Variants in FAM78A observed in about 807,000 individuals in gnomAD.
FAM78A encodes the protein protein FAM78A.
Under a neutral mutation model 22.6 loss-of-function variants are expected in FAM78A, and 12 were observed. That is an observed-to-expected ratio of 0.53 (90% CI 0.34 to 0.86). FAM78A has a LOEUF of 0.86. Among genes scored for constraint, FAM78A ranks in the 40% least tolerant of loss-of-function variants. The pLI is 0.02. For missense variants in FAM78A, 322 were observed against 396.1 expected, an observed-to-expected ratio of 0.81 and a Z score of 1.59; for synonymous variants, 151 against 155.8, an observed-to-expected ratio of 0.97 and a Z score of 0.23.
chr9:131,274,065 C>T lies in FAM78A; in HGVS notation c.323+1792G>A, dbSNP rs187541529. Among the ~76,000 whole-genome samples the T allele has an allele frequency of 6.6e-6, 1 of 152,240 alleles. No individual in the cohort carries two copies. The highest frequency in any genetic ancestry group is 1.5e-5 in the Non-Finnish European group (1 of 68,040). On this transcript the variant is annotated intron_variant, in intron 1 of 1. Transcript: ENST00000372271. The surrounding 1 kb of genome is among the most constrained non-coding windows in gnomAD (Gnocchi z 4.2). The stretch of plus-strand genomic sequence containing the variant: ...TCAGGCCTAGCTCCAGCCACATCAC[C>T]CACACCTACTCAGGGTCACCAGATG...
Position 131,260,391 on chromosome 9 carries a change from G to A in FAM78A, c.*431C>T, listed in dbSNP as rs1205671585. 6 of 163,340 alleles carry A rather than the reference G, an allele frequency of 3.7e-5. No homozygotes were observed. The highest frequency in any genetic ancestry group is 6.4e-5 in the Admixed American group (1 of 15,606). The allele number at this position is 163,340 out of a possible 1,614,324, so 10.1% of individuals were successfully genotyped here. On this transcript the variant is annotated 3_prime_UTR_variant, in exon 2 of 2. Coordinates refer to ENST00000372271, the MANE Select transcript of FAM78A (RefSeq NM_033387.4). The surrounding 1 kb of genome is among the most constrained non-coding windows in gnomAD (Gnocchi z 5.4). Reference sequence around the variant, plus strand: ...GGACCTGGGGGGAAGGCCGGCCAGCGCCACAAATCGGCAGCAGTGTGGATC... The same window carrying A: ...GGACCTGGGGGGAAGGCCGGCCAGCACCACAAATCGGCAGCAGTGTGGATC...
chr9:131,266,625 C>G (rs1255267695), intron 1 of FAM78A, among the ~76,000 whole-genome samples: 1 of 152,238 alleles, frequency 6.6e-6, no homozygotes, highest in Non-Finnish European at 1.5e-5. Context: ...GGCCAGGTGC[C>G]TCCTGCTATT....
chr9:131,270,306 C>T (rs1281416225), intron 1 of FAM78A: 6 of 717,596 alleles, frequency 8.4e-6, no homozygotes, highest in South Asian at 5.9e-5. Flanking sequence ...CTCAACTGTC[C>T]TCCCACAAAC....
chr9:131,262,515 C>T (rs1377393423), intron 1 of FAM78A, among the ~76,000 whole-genome samples: 3 of 150,564 alleles, frequency 2.0e-5, no homozygotes, highest in Non-Finnish European at 4.4e-5. Flanking sequence ...GACGCAGTGG[C>T]TCACACCTCT....
upstream of FAM78A, among the ~76,000 whole-genome samples, chr9:131,279,801 G>A (rs1383688742): frequency 1.3e-5 from 2 of 152,212 alleles, no homozygotes; most frequent in Non-Finnish European, 2.9e-5. Context: ...CTTAGCCCTA[G>A]GCAGTGGGCT....
intron 1 of FAM78A, among the ~76,000 whole-genome samples, chr9:131,269,049 C>T (rs368676125): frequency 6.8e-6 from 1 of 147,544 alleles, no homozygotes; most frequent in African/African-American, 2.5e-5. Context: ...TGCAATGAGC[C>T]GAGATAGCAC....
At position 131,260,876 on chromosome 9, in the gene FAM78A, CAT is replaced by C; in HGVS notation, c.796_797del (p.Met266ValfsTer25). 6.5e-7 allele frequency: 1 copy of C among 1,538,678 alleles called. No individual in the cohort carries two copies. The highest frequency in any genetic ancestry group is 8.8e-7 in the Non-Finnish European group (1 of 1,141,398). ...KPNANDAQVL[M>X]WRPKYGQPLV... is the part of the protein sequence containing the mutation. ...GCGGCTGCCCGTACTTGGGCCGCCA[CAT>C]GAGGACCTGGGCATCGTTGGCATTG... On this transcript the variant is annotated frameshift_variant, in exon 2 of 2. Coordinates refer to ENST00000372271, the MANE Select transcript of FAM78A (RefSeq NM_033387.4). LOFTEE classifies it high-confidence loss of function. The surrounding 1 kb of genome is among the most constrained non-coding windows in gnomAD (Gnocchi z 5.4).
rs1423525716 is a variant in FAM78A, at chr9:131,274,456, C to T, written c.323+1401G>A. ...TAGAACAGAAAGGCAGCACCCCCTC[C>T]CCCGAACTGGATTACTAGCTGCTCT... On this transcript the variant is annotated intron_variant, in intron 1 of 1. Coordinates refer to ENST00000372271, the MANE Select transcript of FAM78A (RefSeq NM_033387.4). The surrounding 1 kb of genome is among the most constrained non-coding windows in gnomAD (Gnocchi z 4.2). Among the ~76,000 whole-genome samples, 1 of 152,178 alleles carries T rather than the reference C, an allele frequency of 6.6e-6. No individual in the cohort carries two copies. The highest frequency in any genetic ancestry group is 1.5e-5 in the Non-Finnish European group (1 of 68,026).
intron 1 of FAM78A, among the ~76,000 whole-genome samples, chr9:131,263,098 G>C (rs936708862): frequency 4.6e-5 from 7 of 152,016 alleles, no homozygotes; most frequent in African/African-American, 1.7e-4. Context: ...GATTAGCCAG[G>C]CATGGTGGTG....
chr9:131,262,348 G>T (rs1202368526), intron 1 of FAM78A, among the ~76,000 whole-genome samples: 7 of 150,966 alleles, frequency 4.6e-5, no homozygotes, highest in Admixed American at 4.6e-4. Context: ...TACGGTAGCA[G>T]ATGCCTCTAA....
chr9:131,275,918 C>T lies in FAM78A; in HGVS notation c.262G>A (p.Val88Ile), dbSNP rs1202931008. The T allele has an allele frequency of 6.2e-7, 1 of 1,612,774 alleles. No individual in the cohort carries two copies. Among genetic ancestry groups the T allele is most frequent in the Non-Finnish European group, 8.5e-7 (1 of 1,179,626 alleles). ...PPIPKKETWV[V>I]GWIQACSHME... ...TGGCTGCACGCCTGGATCCAGCCAA[C>T]TACCCAAGTCTCCTTCTTGGGGATG... The change falls in exon 1 of 2, where the codon GTT (valine) becomes ATT (isoleucine). Residue 88 changes from valine (V) to isoleucine (I), a missense_variant. Physicochemically the swap from Val to Ile is conservative, Grantham distance 29. Coordinates refer to ENST00000372271, the MANE Select transcript of FAM78A (RefSeq NM_033387.4). This position sits in a 1 kb window ranked among gnomAD's most constrained non-coding sequence, Gnocchi z 4.6.
At chr9:131,266,903 G>A (rs1835353128) in intron 1 of FAM78A, among the ~76,000 whole-genome samples, 1 of 152,162 alleles carries the variant, frequency 6.6e-6, no homozygotes, top group South Asian at 2.1e-4. Flanking sequence ...TCTGTGAGGA[G>A]TCCAGGGCCC....
Position 131,276,492 on chromosome 9 carries a change from T to A in FAM78A, c.-313A>T. 4.7e-6 allele frequency: 1 copy of A among 214,312 alleles called. No individual in the cohort carries two copies. The highest frequency in any genetic ancestry group is 5.7e-5 in the Admixed American group (1 of 17,690). 13.3% of individuals were successfully genotyped at this position (214,312 alleles called of 1,614,324 possible). ...CGCGGGGACGGCAGCTCGCAGACTCTCCCTGAAGTCTTCGGAGGAAGCAGG... is the reference window on the plus strand; with the variant it reads ...CGCGGGGACGGCAGCTCGCAGACTCACCCTGAAGTCTTCGGAGGAAGCAGG... On this transcript the variant is annotated 5_prime_UTR_variant, in exon 1 of 2. Coordinates refer to ENST00000372271, the MANE Select transcript of FAM78A (RefSeq NM_033387.4). This position sits in a 1 kb window ranked among gnomAD's most constrained non-coding sequence, Gnocchi z 4.3.
intron 1 of FAM78A, among the ~76,000 whole-genome samples, chr9:131,273,977 G>A (rs1835449783): frequency 1.3e-5 from 2 of 152,240 alleles, no homozygotes; most frequent in Non-Finnish European, 2.9e-5. Flanking sequence ...GAAGGCATGA[G>A]GCTCTTCCAA....
upstream of FAM78A, among the ~76,000 whole-genome samples, chr9:131,280,693 G>A (rs1414365267): frequency 3.9e-5 from 6 of 152,168 alleles, no homozygotes; most frequent in African/African-American, 1.4e-4. Context: ...AAAACCCAAA[G>A]CCACACAGCA....
upstream of FAM78A, among the ~76,000 whole-genome samples, chr9:131,276,701 C>T (rs1012817801): frequency 2.0e-5 from 3 of 152,050 alleles, no homozygotes; most frequent in African/African-American, 7.2e-5. The surrounding 1 kb of genome is among the most constrained non-coding windows in gnomAD (Gnocchi z 4.3). Context: ...CGGCCGAGGT[C>T]CCGGCGCCCT....
upstream of FAM78A, among the ~76,000 whole-genome samples, chr9:131,276,845 GCGCCGCGTCCCTT>G (rs1835493341): frequency 6.7e-6 from 1 of 149,360 alleles, no homozygotes; most frequent in South Asian, 2.1e-4. The surrounding 1 kb of genome is among the most constrained non-coding windows in gnomAD (Gnocchi z 4.3). Context: ...CCACGCAGGG[GCGCCGCGTCCCTT>G]CGCCGCTGTC....
chr9:131,270,307 T>G (rs1054893245), intron 1 of FAM78A: 9 of 717,412 alleles, frequency 1.3e-5, no homozygotes, highest in African/African-American at 7.0e-5. Flanking sequence ...TCAACTGTCC[T>G]CCCACAAACA....
At chr9:131,262,334 G>A (rs1035550324) in intron 1 of FAM78A, among the ~76,000 whole-genome samples, 4 of 151,148 alleles carry the variant, frequency 2.6e-5, no homozygotes, top group South Asian at 2.1e-4. Context: ...AAAAATTAGC[G>A]GGGTACGGTA....
Sources: gnomAD v4.1 joint callset for allele counts (sites outside exome capture counted in the v4.1 genomes callset) on GRCh38, gnomAD v4.1.1 for gene constraint, Gnocchi (gnomAD v3.1) non-coding constraint, MANE v1.5 for transcripts, NCBI Gene and HGNC (gene_info 2026-07-23, HGNC 2026-07-21) for gene names.